The following MAPK10 variants were observed in gnomAD, a reference collection of about 807,000 sequenced individuals.
MAPK10 encodes the protein JNK3 alpha protein kinase.
A neutral mutation model predicts 59.3 loss-of-function variants in MAPK10; 25 were observed. The ratio of observed to expected loss-of-function variants is 0.42; its 90% CI spans 0.31 to 0.59. The LOEUF is 0.59. MAPK10 is among the 20% of genes least tolerant of loss of function. The probability of loss-of-function intolerance (pLI) is 0.15; values close to 1 mark genes in which losing one functional copy is unlikely to be tolerated. For missense variants in MAPK10, 351 were observed against 568.9 expected, an observed-to-expected ratio of 0.62 and a Z score of 3.90; for synonymous variants, 190 against 200.5, an observed-to-expected ratio of 0.95 and a Z score of 0.44.
At chr4:86,358,469 G>T in intron 1 of MAPK10, 1 of 668,306 alleles carries the variant, frequency 1.5e-6, no homozygotes, top group Non-Finnish European at 1.9e-6. Context: ...AACATGGCCA[G>T]AAGCAGGCAG....
At chr4:86,157,989 T>G (rs2068355075) in intron 4 of MAPK10, among the ~76,000 whole-genome samples, 1 of 151,898 alleles carries the variant, frequency 6.6e-6, no homozygotes, top group South Asian at 2.1e-4. Context: ...ATGTTAATAT[T>G]CTACAATTTT....
chr4:86,023,331 T>G (rs750279504), intron 13 of MAPK10, among the ~76,000 whole-genome samples: 21 of 152,220 alleles, frequency 1.4e-4, no homozygotes, highest in Non-Finnish European at 3.1e-4. Context: ...GTCTTGAATA[T>G]TGTAGCTTTG....
At chr4:86,500,799 T>C (rs1168642353) in intron 1 of MAPK10, among the ~76,000 whole-genome samples, 1 of 152,168 alleles carries the variant, frequency 6.6e-6, no homozygotes, top group Non-Finnish European at 1.5e-5. Context: ...TCAGCTACTT[T>C]TATTAGCTAT....
chr4:86,382,232 G>C (rs752135246), intron 1 of MAPK10, among the ~76,000 whole-genome samples: 2 of 151,886 alleles, frequency 1.3e-5, no homozygotes, highest in Non-Finnish European at 2.9e-5. Context: ...CCTCAGAGCA[G>C]AGAGACGAAT....
chr4:86,085,654 A>G (rs2051636413), intron 9 of MAPK10, among the ~76,000 whole-genome samples: 1 of 152,156 alleles, frequency 6.6e-6, no homozygotes, highest in Admixed American at 6.6e-5. Flanking sequence ...GGAAGTGTAA[A>G]TTATCATAAT....
At chr4:86,320,191 CAGGCT>C (rs1383309049) in intron 2 of MAPK10, among the ~76,000 whole-genome samples, 1 of 152,216 alleles carries the variant, frequency 6.6e-6, no homozygotes, top group Non-Finnish European at 1.5e-5. Flanking sequence ...ATGTAGCTAT[CAGGCT>C]AGATATCTTA....
intron 4 of MAPK10, among the ~76,000 whole-genome samples, chr4:86,108,691 T>G (rs1011467915): frequency 6.6e-6 from 1 of 152,188 alleles, no homozygotes; most frequent in African/African-American, 2.4e-5. Flanking sequence ...TCGGCAGCTT[T>G]GAGAATAGAA....
At chr4:86,173,361 G>A (rs1441162718) in intron 3 of MAPK10, among the ~76,000 whole-genome samples, 1 of 152,134 alleles carries the variant, frequency 6.6e-6, no homozygotes, top group African/African-American at 2.4e-5. Flanking sequence ...ACAAAAATAA[G>A]CAATGGGAAA....
At position 86,070,966 on chromosome 4, in the gene MAPK10, C is replaced by T. The variant is rs533418548; in HGVS notation, c.803-3011G>A. Among the ~76,000 whole-genome samples, 186 of 152,124 alleles carry T rather than the reference C, an allele frequency of 1.2e-3. 1 individual carries two copies. The highest frequency in any genetic ancestry group is 4.4e-3 in the African/African-American group (182 of 41,504). The stretch of plus-strand genomic sequence containing the variant: ...GTTCTAGATCCCTGAGGAATCGCCA[C>T]ACTGACTTCCACAATGGTTGAACCA... On this transcript the variant is annotated intron_variant, in intron 9 of 13. Transcript: ENST00000641462.
Position 86,033,362 on chromosome 4 carries a change from C to T in MAPK10, c.1111-1931G>A, listed in dbSNP as rs6854511. Reference sequence around the variant, plus strand: ...CAGTGTACATAAGCTCTCAGAGCCCCCAGAGCCCTCTGAGCTGTTGGCACC... The same window carrying T: ...CAGTGTACATAAGCTCTCAGAGCCCTCAGAGCCCTCTGAGCTGTTGGCACC... On this transcript the variant is annotated intron_variant, in intron 11 of 13. Transcript: ENST00000641462. Among the ~76,000 whole-genome samples the T allele has an allele frequency of 1.3e-3, 200 of 152,308 alleles. 1 individual carries two copies. The highest frequency in any genetic ancestry group is 4.7e-3 in the African/African-American group (195 of 41,572).
intron 2 of MAPK10, among the ~76,000 whole-genome samples, chr4:86,341,238 TAGAA>T (rs1181970192): frequency 6.6e-6 from 1 of 152,190 alleles, no homozygotes; most frequent in Non-Finnish European, 1.5e-5. Flanking sequence ...TTGTGCAAAT[TAGAA>T]AGACGAGCTT....
At chr4:86,262,594 A>G (rs1272995253) in intron 2 of MAPK10, among the ~76,000 whole-genome samples, 1 of 152,236 alleles carries the variant, frequency 6.6e-6, no homozygotes, top group African/African-American at 2.4e-5. Flanking sequence ...TACGATAACC[A>G]TATGCTTGAC....
intron 2 of MAPK10, among the ~76,000 whole-genome samples, chr4:86,212,133 C>G (rs916608966): frequency 6.6e-6 from 1 of 151,446 alleles, no homozygotes; most frequent in African/African-American, 2.4e-5. Context: ...ATTCTTCTAT[C>G]AAAAGACAGA....
chr4:86,300,977 G>T (rs1564138635), intron 2 of MAPK10: 1 of 151,934 alleles, frequency 6.6e-6, no homozygotes. Context: ...CATAGGGTGT[G>T]ATTCTGAAGG....
intron 2 of MAPK10, among the ~76,000 whole-genome samples, chr4:86,354,158 A>T (rs1733216118): frequency 6.6e-6 from 1 of 151,900 alleles, no homozygotes. Flanking sequence ...CTCAGAACCA[A>T]TTTTTCTACT....
At chr4:86,206,146 T>G (rs1293638669) in intron 2 of MAPK10, among the ~76,000 whole-genome samples, 1 of 151,900 alleles carries the variant, frequency 6.6e-6, no homozygotes, top group Non-Finnish European at 1.5e-5. Context: ...CTGCACCCAT[T>G]AACTCGTCAT....
At chr4:86,153,221 T>C (rs1715076238) in intron 4 of MAPK10, among the ~76,000 whole-genome samples, 1 of 152,214 alleles carries the variant, frequency 6.6e-6, no homozygotes, top group Admixed American at 6.5e-5. Context: ...ATGTATTTAC[T>C]AATTATTTCT....
At chr4:86,353,171 A>T (rs1732527842) in intron 2 of MAPK10, among the ~76,000 whole-genome samples, 1 of 151,900 alleles carries the variant, frequency 6.6e-6, no homozygotes, top group African/African-American at 2.4e-5. Flanking sequence ...TTCCTTTGGC[A>T]CTCTAGACCT....
In MAPK10 at chr4:86,185,061, T is replaced by A. The variant is rs115462864; in HGVS notation, c.66+9275A>T. ...TTGCACATTTCTGTAACATAAATAC[T>A]CCGATCATGACAGATTTTAAGTTAC... On this transcript the variant is annotated intron_variant, in intron 3 of 13. Coordinates refer to ENST00000641462, the MANE Select transcript of MAPK10 (RefSeq NM_138982.4). 6.7e-3 allele frequency among the ~76,000 whole-genome samples: 1,024 copies of A among 152,236 alleles called. 9 individuals are homozygous for A. The highest frequency in any genetic ancestry group is 0.023 in the African/African-American group (972 of 41,552).
Sources: allele counts gnomAD v4.1 joint callset (sites outside exome capture counted in the v4.1 genomes callset), GRCh38; gene constraint gnomAD v4.1.1; transcripts MANE v1.5; gene names NCBI Gene and HGNC (gene_info 2026-07-23, HGNC 2026-07-21).